Variants in DPH6 observed in about 807,000 individuals in gnomAD.
The protein encoded by DPH6 is diphthine--ammonia ligase.
A neutral mutation model predicts 38.2 loss-of-function variants in DPH6; 33 were observed. The ratio of observed to expected loss-of-function variants is 0.86; its 90% CI spans 0.65 to 1.15. The LOEUF is 1.15. Ranked by LOEUF, DPH6 falls within the 50% of genes most tolerant of loss-of-function variation. The probability of loss-of-function intolerance (pLI) is 0.00; values close to 1 mark genes in which losing one functional copy is unlikely to be tolerated. For missense variants in DPH6, 325 were observed against 320.0 expected (o/e 1.02, Z -0.12); for synonymous variants, 108 against 103.0 (o/e 1.05, Z -0.30).
In DPH6 at chr15:35,237,217, G is replaced by C. The variant is rs1020560317; in HGVS notation, n.201-16635C>G. 6.5e-6 allele frequency: 6 copies of C among 925,352 alleles called. No individual in the cohort carries two copies. The African/African-American group carries it at 9.8e-5, about 15-fold the overall frequency. 57.3% of individuals were successfully genotyped at this position (925,352 alleles called of 1,614,324 possible). On this transcript the variant is annotated intron_variant and non_coding_transcript_variant, in intron 3 of 3. Coordinates refer to the DPH6 transcript ENST00000560386. ...GGTTAGCGTGTGCCGGGGGTGCTGG[G>C]GGCTCGAGAACTGAGCGGAGCTGGT...
intron 3 of DPH6, among the ~76,000 whole-genome samples, chr15:35,253,849 C>T (rs983111148): frequency 1.3e-5 from 2 of 152,176 alleles, no homozygotes; most frequent in African/African-American, 2.4e-5. Flanking sequence ...GGCGGCAGAA[C>T]GTCAACAACA....
the DPH6 span, among the ~76,000 whole-genome samples, chr15:35,180,561 A>G: frequency 6.6e-6 from 1 of 152,162 alleles, no homozygotes; most frequent in African/African-American, 2.4e-5. Context: ...CCTAGGCCCA[A>G]GCGATCCTCC....
In DPH6 at chr15:35,338,538, G is replaced by C. The variant is rs2052393739; in HGVS notation, n.208-7461C>G. 3.3e-5 allele frequency among the ~76,000 whole-genome samples: 5 copies of C among 152,240 alleles called. No homozygotes were observed. In the South Asian group the frequency reaches 1.0e-3, roughly 32 times the overall value. ...ATTAAAAAGTCAGGAAACAACAGGT[G>C]CTGGAGAGGATGTGGAGAAATAGGA... On this transcript the variant is annotated intron_variant and non_coding_transcript_variant, in intron 3 of 3. Transcript: ENST00000558973.
chr15:35,467,359 G>C (rs1200398138), intron 3 of DPH6, among the ~76,000 whole-genome samples: 1 of 152,176 alleles, frequency 6.6e-6, no homozygotes, highest in Non-Finnish European at 1.5e-5. Context: ...GAGGTCAGGA[G>C]TTTGAGACCA....
intron 3 of DPH6, among the ~76,000 whole-genome samples, chr15:35,254,297 C>G (rs2051693383): frequency 6.6e-6 from 1 of 152,192 alleles, no homozygotes; most frequent in Admixed American, 6.5e-5. Flanking sequence ...TTATAGATTT[C>G]AAATGCTGAC....
At chr15:35,247,223 A>G (rs1053745122) in intron 3 of DPH6, among the ~76,000 whole-genome samples, 1 of 152,228 alleles carries the variant, frequency 6.6e-6, no homozygotes, top group Non-Finnish European at 1.5e-5. Flanking sequence ...TCATATGATC[A>G]TTATGGCACA....
At chr15:35,240,820 C>G (rs1031365029) in intron 3 of DPH6, among the ~76,000 whole-genome samples, 5 of 143,388 alleles carry the variant, frequency 3.5e-5, no homozygotes, top group African/African-American at 1.3e-4. Flanking sequence ...AATCTGCTCC[C>G]GACATTAAAT....
chr15:35,347,426 G>T (rs7182393), intron 3 of DPH6, among the ~76,000 whole-genome samples: 3 of 150,316 alleles, frequency 2.0e-5, no homozygotes, highest in Admixed American at 6.6e-5. Context: ...TGCTGGAATT[G>T]TAAGTGTGAG....
chr15:35,526,009 T>G (rs2054995679), intron 3 of DPH6, among the ~76,000 whole-genome samples: 1 of 152,194 alleles, frequency 6.6e-6, no homozygotes, highest in African/African-American at 2.4e-5. Flanking sequence ...CTTTCTGTAA[T>G]TACGTCCAGG....
chr15:35,530,171 C>T (rs2055065636), intron 3 of DPH6, among the ~76,000 whole-genome samples: 1 of 152,028 alleles, frequency 6.6e-6, no homozygotes, highest in South Asian at 2.1e-4. Flanking sequence ...ATGGCAAAGA[C>T]AAGATAAACT....
chr15:35,213,561 G>A (rs1170996830), downstream of DPH6, among the ~76,000 whole-genome samples: 1 of 152,104 alleles, frequency 6.6e-6, no homozygotes, highest in African/African-American at 2.4e-5. Context: ...AGAAAAAAAG[G>A]TCTAAGAATA....
chr15:35,317,418 G>A (rs2052201461), intron 3 of DPH6, among the ~76,000 whole-genome samples: 1 of 150,738 alleles, frequency 6.6e-6, no homozygotes, highest in African/African-American at 2.4e-5. Context: ...AAGAAAGAAA[G>A]AGGAGGGAGG....
the DPH6 span, among the ~76,000 whole-genome samples, chr15:35,211,729 A>C: frequency 6.6e-6 from 1 of 152,300 alleles, no homozygotes; most frequent in Admixed American, 6.5e-5. Context: ...GTGGCATGTT[A>C]ACATGATGAA....
chr15:35,210,238 T>G, the DPH6 span, among the ~76,000 whole-genome samples: 4 of 152,234 alleles, frequency 2.6e-5, no homozygotes, highest in Non-Finnish European at 5.9e-5. Context: ...TCATTCAAGC[T>G]ATTACCCGAG....
At chr15:35,528,691 G>A (rs1325190067) in intron 3 of DPH6, among the ~76,000 whole-genome samples, 1 of 152,116 alleles carries the variant, frequency 6.6e-6, no homozygotes, top group Admixed American at 6.5e-5. Context: ...TTGTTGAACA[G>A]TAAGAAATAT....
Position 35,495,151 on chromosome 15 carries a change from C to T in DPH6, c.313-40331G>A, listed in dbSNP as rs567632651. Among the ~76,000 whole-genome samples the T allele has an allele frequency of 2.0e-5, 3 of 152,232 alleles. No individual in the cohort carries two copies. The South Asian group carries it at 6.2e-4, about 32-fold the overall frequency. On this transcript the variant is annotated intron_variant, in intron 3 of 8. Transcript: ENST00000256538. ...ATTCATATGTTGAAGTTCTAAACTCCAGTACCTCAGATGGTGACTGTATTT... is the reference window on the plus strand; with the variant it reads ...ATTCATATGTTGAAGTTCTAAACTCTAGTACCTCAGATGGTGACTGTATTT...
intron 5 of DPH6, among the ~76,000 whole-genome samples, chr15:35,434,408 A>C (rs1242295482): frequency 6.6e-6 from 1 of 152,234 alleles, no homozygotes; most frequent in African/African-American, 2.4e-5. Flanking sequence ...ATATAGCAAA[A>C]GGTAGAAAAT....
At chr15:35,234,434 C>T (rs1366449996) in intron 3 of DPH6, among the ~76,000 whole-genome samples, 2 of 152,206 alleles carry the variant, frequency 1.3e-5, no homozygotes, top group Non-Finnish European at 1.5e-5. Context: ...ACTGGGTTCA[C>T]AATTTAGCTC....
At chr15:35,246,805 G>A (rs1230027818) in intron 3 of DPH6, among the ~76,000 whole-genome samples, 2 of 152,186 alleles carry the variant, frequency 1.3e-5, no homozygotes, top group African/African-American at 2.4e-5. Flanking sequence ...AGGAGAAAAT[G>A]TTTAAGCCTG....
Sources: allele counts gnomAD v4.1 joint callset (sites outside exome capture counted in the v4.1 genomes callset), GRCh38; gene constraint gnomAD v4.1.1; transcripts MANE v1.5; gene names NCBI Gene and HGNC (gene_info 2026-07-23, HGNC 2026-07-21).